Variants in DNAI1 observed in about 807,000 individuals in gnomAD.
DNAI1 encodes dynein axonemal intermediate chain 1.
In DNAI1, 67 loss-of-function variants were observed where a neutral mutation model predicts 92.0. The observed-to-expected ratio is 0.73, with a 90% CI of 0.60 to 0.89. DNAI1 has a LOEUF of 0.89. Among genes scored for constraint, DNAI1 ranks in the 40% least tolerant of loss-of-function variants. DNAI1 has a pLI of 0.00. For synonymous variants in DNAI1, 323 were observed against 319.6 expected, an observed-to-expected ratio of 1.01 and a Z score of -0.11; for missense variants, 839 against 866.6, an observed-to-expected ratio of 0.97 and a Z score of 0.40.
rs775831317 is a variant in DNAI1 at position 34,513,110 on chromosome 9, A to G, written c.1490-2A>G. 10 of 1,613,632 alleles carry G rather than the reference A, an allele frequency of 6.2e-6. 1 individual carries two copies. Among genetic ancestry groups the G allele is most frequent in the Admixed American group, 3.3e-5 (2 of 59,986 alleles). ...AAGCCTGCCCCTCCCTCTTTTCCCA[A>G]GGTTGTGGCACTGCCTTTGACTTCC... On this transcript the variant is annotated splice_acceptor_variant, in intron 15 of 19. Transcript: ENST00000242317. LOFTEE classifies it high-confidence loss of function.
At chr9:34,462,866 A>C (rs1823974998) in intron 1 of DNAI1, among the ~76,000 whole-genome samples, 1 of 152,248 alleles carries the variant, frequency 6.6e-6, no homozygotes, top group Admixed American at 6.5e-5. Context: ...TGTGTTAGGT[A>C]CTGTTCTAGG....
intron 1 of DNAI1, among the ~76,000 whole-genome samples, chr9:34,474,830 G>A (rs1824209518): frequency 6.6e-6 from 1 of 152,108 alleles, no homozygotes; most frequent in African/African-American, 2.4e-5. Context: ...GCCTCCCAAA[G>A]TGTTGGGATT....
At chr9:34,466,036 A>G (rs7851404) in intron 1 of DNAI1, among the ~76,000 whole-genome samples, 30,725 of 152,124 alleles carry the variant, frequency 0.2, 3,629 homozygotes, top group African/African-American at 0.33. Context: ...AACCAACTCA[A>G]TCTTGGTTCC....
In DNAI1 at chr9:34,500,779, T is replaced by G. The variant is rs1191266707; in HGVS notation, c.959T>G (p.Leu320Arg). The G allele has an allele frequency of 8.1e-6, 13 of 1,614,058 alleles. No individual in the cohort carries two copies. The highest frequency in any genetic ancestry group is 1.1e-5 in the Non-Finnish European group (13 of 1,180,030). The change falls in exon 11 of 20, where the codon CTG becomes CGG. Residue 320 changes from leucine (L) to arginine (R), a missense_variant. Physicochemically the swap from Leu to Arg is moderately radical, Grantham distance 102. Transcript: ENST00000242317. ...DEYRDQVGTLLPLWKFQNDKA... is the reference protein window; with the variant it reads ...DEYRDQVGTLRPLWKFQNDKA... ...TACCGGGACCAGGTGGGTACCCTGC[T>G]GCCGCTCTGGAAGTTCCAAAATGAC...
rs75573094 is a variant in DNAI1 at position 34,514,788 on chromosome 9, G to A, written c.1818+49G>A. 6.2e-4 allele frequency: 985 copies of A among 1,590,246 alleles called. 6 individuals carry two copies. In the African/African-American group the frequency reaches 0.012, roughly 19 times the overall value. On this transcript the variant is annotated intron_variant, in intron 18 of 19. Transcript: ENST00000242317. Reference sequence around the variant, plus strand: ...ACTGAGTCCCTACTGGAGATCAGGTGTGTTATCTCAGGGGCTTCCTGATGG... The same window carrying A: ...ACTGAGTCCCTACTGGAGATCAGGTATGTTATCTCAGGGGCTTCCTGATGG...
intron 1 of DNAI1, among the ~76,000 whole-genome samples, chr9:34,481,789 A>G (rs2132053866): frequency 6.6e-6 from 1 of 152,342 alleles, no homozygotes; most frequent in African/African-American, 2.4e-5. Context: ...GTGAAGCTGC[A>G]GATCTTCACA....
At chr9:34,491,395 A>G (rs149653203) in intron 7 of DNAI1, 100 bp from the exon 8 acceptor site, 25 of 1,331,522 alleles carry the variant, frequency 1.9e-5, no homozygotes, top group East Asian at 2.4e-5. Context: ...CCAAACCTCC[A>G]TCAGCCCCAG....
At chr9:34,465,441 T>C (rs147225609) in intron 1 of DNAI1, among the ~76,000 whole-genome samples, 1 of 152,356 alleles carries the variant, frequency 6.6e-6, no homozygotes, top group East Asian at 1.9e-4. Context: ...TCTTTTCCCC[T>C]AGTTGTGTTA....
In DNAI1 at chr9:34,500,738, C is replaced by T. The variant is rs772207177; in HGVS notation, c.918C>T (p.Asp306=). ...GTGTTTAAGATTTTAAGTACTATGA[C>T]GATGCTGCTGATGAATACCGGGACC... is the stretch of plus-strand genomic sequence containing the variant. The part of the protein sequence containing the change: ...DDIAQDFKYY[D]DAADEYRDQV... Residue 306 remains aspartate (D), a synonymous_variant, in exon 11 of 20, where the codon GAC becomes GAT. Coordinates refer to ENST00000242317, the MANE Select transcript of DNAI1 (RefSeq NM_012144.4). 1.6e-5 allele frequency: 26 copies of T among 1,613,508 alleles called. No homozygotes were observed. In the Admixed American group the frequency reaches 2.7e-4, roughly 17 times the overall value.
intron 14 of DNAI1, 62 bp from the exon 15 acceptor site, chr9:34,512,275 C>T: frequency 1.2e-6 from 2 of 1,609,430 alleles, no homozygotes; most frequent in East Asian, 4.5e-5. Context: ...CAACCCCCAG[C>T]CTTGCTCATC....
intron 18 of DNAI1, among the ~76,000 whole-genome samples, chr9:34,516,852 A>G (rs1825179105): frequency 6.7e-6 from 1 of 149,398 alleles, no homozygotes; most frequent in African/African-American, 2.5e-5. Context: ...TGATTCTCCC[A>G]TCTCAGCCTC....
chr9:34,493,840 C>G (rs1824661877), intron 9 of DNAI1, among the ~76,000 whole-genome samples: 2 of 152,188 alleles, frequency 1.3e-5, no homozygotes, highest in South Asian at 4.2e-4. Flanking sequence ...ATTTGGCCAC[C>G]CTGGGCTAGA....
At position 34,485,022 on chromosome 9, in the gene DNAI1, G is replaced by A. The variant is rs75333626; in HGVS notation, c.82-120G>A. ...TCATGAGTGGTATGTTATACATTTT[G>A]TATTCTACATACAAGGGGCAGAGCT... On this transcript the variant is annotated intron_variant, in intron 2 of 19. Transcript: ENST00000242317. 280 of 930,190 alleles carry A rather than the reference G, an allele frequency of 3.0e-4. 2 individuals carry two copies. In the African/African-American group the frequency reaches 4.2e-3, roughly 14 times the overall value. 57.6% of individuals were successfully genotyped at this position (930,190 alleles called of 1,614,324 possible). A position where few individuals can be genotyped will look rare whatever the true frequency, so the allele number is the denominator to read the frequency against.
Position 34,501,297 on chromosome 9 carries a change from G to A in DNAI1, c.1063+116G>A, listed in dbSNP as rs1039376248. ...ATACAAAGATGACTGCCCGCAGGGGGCTCACAGTCTAATGGGGAAGACCCA... is the reference window on the plus strand; with the variant it reads ...ATACAAAGATGACTGCCCGCAGGGGACTCACAGTCTAATGGGGAAGACCCA... On this transcript the variant is annotated intron_variant, in intron 12 of 19. Coordinates refer to ENST00000242317, the MANE Select transcript of DNAI1 (RefSeq NM_012144.4). The A allele has an allele frequency of 1.7e-5, 15 of 886,874 alleles. No homozygotes were observed. In the African/African-American group the frequency reaches 2.5e-4, roughly 15 times the overall value. The allele number at this position is 886,874 out of a possible 1,614,324, so 54.9% of individuals were successfully genotyped here.
intron 7 of DNAI1, 145 bp from the exon 8 acceptor site, chr9:34,491,350 A>C (rs1587071831): frequency 1.3e-6 from 1 of 786,308 alleles, no homozygotes; most frequent in East Asian, 2.7e-5. Context: ...TCAGTTATTC[A>C]CCCAAGCCCC....
At chr9:34,462,048 G>T (rs1201565226) in intron 1 of DNAI1, among the ~76,000 whole-genome samples, 1 of 152,104 alleles carries the variant, frequency 6.6e-6, no homozygotes, top group African/African-American at 2.4e-5. Context: ...ATAGAGAGGA[G>T]TTTAAATTCC....
chr9:34,512,133 G>C lies in DNAI1; in HGVS notation c.1336G>C (p.Asp446His). Reference sequence around the variant, plus strand: ...GGTCAAGTGGCAGAAGGATGACATGGACCAAAACCTTAACTTCTTCTCTGT... The same window carrying C: ...GGTCAAGTGGCAGAAGGATGACATGCACCAAAACCTTAACTTCTTCTCTGT... ...WQVKWQKDDM[D>H]QNLNFFSVSS... Residue 446 changes from aspartate (D) to histidine (H), a missense_variant, in exon 14 of 20, where the codon GAC (aspartate) becomes CAC (histidine). Coordinates refer to ENST00000242317, the MANE Select transcript of DNAI1 (RefSeq NM_012144.4). 6.2e-7 allele frequency: 1 copy of C among 1,614,150 alleles called. No individual in the cohort carries two copies.
At position 34,517,339 on chromosome 9, in the gene DNAI1, G is replaced by A. The variant is rs1825188333; in HGVS notation, c.1873G>A (p.Val625Met). 1 of 1,614,020 alleles carries A rather than the reference G, an allele frequency of 6.2e-7. No homozygotes were observed. The highest frequency in any genetic ancestry group is 1.3e-5 in the African/African-American group (1 of 74,916). The change falls in exon 19 of 20, where the codon GTG becomes ATG. Residue 625 changes from valine to methionine, a missense_variant. Physicochemically the swap from Val to Met is conservative, Grantham distance 21. Coordinates refer to ENST00000242317, the MANE Select transcript of DNAI1 (RefSeq NM_012144.4). Reference protein sequence around the residue: ...NKYEAICNQPVAAKKNRLTHV... With the variant: ...NKYEAICNQPMAAKKNRLTHV... The stretch of plus-strand genomic sequence containing the variant: ...GTATGAGGCCATCTGCAACCAGCCT[G>A]TGGCGGCCAAAAAGAACAGGCTCAC...
At chr9:34,467,379 C>G (rs1824057051) in intron 1 of DNAI1, among the ~76,000 whole-genome samples, 3 of 151,862 alleles carry the variant, frequency 2.0e-5, no homozygotes, top group Admixed American at 2.0e-4. Flanking sequence ...AGGAGGATCA[C>G]TTGAGCCTAG....
Sources: gnomAD v4.1 joint callset for allele counts (sites outside exome capture counted in the v4.1 genomes callset) on GRCh38, gnomAD v4.1.1 for gene constraint, MANE v1.5 for transcripts, NCBI Gene and HGNC (gene_info 2026-07-23, HGNC 2026-07-21) for gene names.